OGG1: variants seen among roughly 807,000 people sequenced by gnomAD.
OGG1 encodes the protein 8-oxoguanine DNA glycosylase.
OGG1 carries 35 observed loss-of-function variants against 42.3 expected under a neutral mutation model. That is an observed-to-expected ratio of 0.83 (90% CI 0.63 to 1.10). The LOEUF (loss-of-function observed/expected upper bound fraction) is 1.10. Ranked by LOEUF, OGG1 falls within the 50% of genes least tolerant of loss-of-function variation. The probability of loss-of-function intolerance (pLI) is 0.00; values close to 1 mark genes in which losing one functional copy is unlikely to be tolerated. For synonymous variants in OGG1, 189 were observed against 179.0 expected (o/e 1.06, Z -0.44); for missense variants, 484 against 446.7 (o/e 1.08, Z -0.75).
At chr3:9,757,433 G>A (rs1293206627), downstream of OGG1, 40 of 1,607,798 alleles carry the variant, frequency 2.5e-5, no homozygotes, top group South Asian at 4.3e-4. The surrounding 1 kb of genome is among the most constrained non-coding windows in gnomAD (Gnocchi z 4.5). Flanking sequence ...TAGGGAAGCA[G>A]GTGAGGAGGG....
At chr3:9,786,687 C>T (rs1221833828) in intron 3 of OGG1, among the ~76,000 whole-genome samples, 2 of 152,184 alleles carry the variant, frequency 1.3e-5, no homozygotes, top group East Asian at 3.8e-4. Context: ...GTAAGGCTAC[C>T]TTTGGGGAAA....
At chr3:9,776,944 T>C (rs1303272681) in intron 2 of OGG1, among the ~76,000 whole-genome samples, 1 of 152,180 alleles carries the variant, frequency 6.6e-6, no homozygotes, top group African/African-American at 2.4e-5. Flanking sequence ...CTGGACTTGG[T>C]TCTTTCCATT....
intron 3 of OGG1, chr3:9,783,064 A>G (rs1198465810): frequency 6.6e-6 from 1 of 152,230 alleles, no homozygotes; most frequent in East Asian, 1.9e-4. Flanking sequence ...AACACTGGTC[A>G]ATTTCTTGTG....
At chr3:9,790,425 C>G (rs902398090), downstream of OGG1, among the ~76,000 whole-genome samples, 1 of 152,224 alleles carries the variant, frequency 6.6e-6, no homozygotes, top group Non-Finnish European at 1.5e-5. Flanking sequence ...GTTGGCACCT[C>G]CTTCCTCCAC....
At chr3:9,774,135 C>T (rs2078335630) in intron 2 of OGG1, among the ~76,000 whole-genome samples, 1 of 152,190 alleles carries the variant, frequency 6.6e-6, no homozygotes, top group Middle Eastern at 3.4e-3. Flanking sequence ...TTTGGCTGGG[C>T]GTGGTGACTC....
intron 4 of OGG1, among the ~76,000 whole-genome samples, 154 bp downstream of exon 4, chr3:9,755,039 C>T (rs1575199059): frequency 6.6e-6 from 1 of 152,312 alleles, no homozygotes. Context: ...GAGAAAAAAG[C>T]AGAGTGCAGA....
intron 3 of OGG1, chr3:9,787,296 C>T (rs2078637567): frequency 6.2e-7 from 1 of 1,614,096 alleles, no homozygotes; most frequent in South Asian, 1.1e-5. Flanking sequence ...CCAGCAGGTC[C>T]TCCTGGGCCC....
In OGG1 at chr3:9,756,762, T is replaced by C. The variant is rs2077584090; in HGVS notation, c.899-5T>C. 6.2e-7 allele frequency: 1 copy of C among 1,614,048 alleles called. No homozygotes were observed. On this transcript the variant is annotated splice_region_variant and splice_polypyrimidine_tract_variant and intron_variant, in intron 5 of 6. Coordinates refer to ENST00000344629, the MANE Select transcript of OGG1 (RefSeq NM_002542.6). ...GATAACTTAGTCTCATCACTTCTGA[T>C]TTAGGAAACTTTTTCCGGAGCCTGT...
chr3:9,753,810 G>T (rs2077416716), intron 3 of OGG1, among the ~76,000 whole-genome samples: 2 of 152,224 alleles, frequency 1.3e-5, no homozygotes, highest in Non-Finnish European at 2.9e-5. Context: ...AGTGAATAAA[G>T]CAATCATGAG....
Position 9,757,189 on chromosome 3 carries a change from C to T in OGG1, c.*39C>T, listed in dbSNP as rs753479457. The T allele has an allele frequency of 2.5e-6, 4 of 1,613,870 alleles. No individual in the cohort carries two copies. Among genetic ancestry groups the T allele is most frequent in the South Asian group, 2.2e-5 (2 of 91,048 alleles). ...GACAAAGAAATTCCCCAAGCACCTT[C>T]CCCTCCATTCCCCACTTCTCTCTCC... On this transcript the variant is annotated 3_prime_UTR_variant, in exon 7 of 7. Coordinates refer to ENST00000344629, the MANE Select transcript of OGG1 (RefSeq NM_002542.6). This position sits in a 1 kb window ranked among gnomAD's most constrained non-coding sequence, Gnocchi z 4.5.
At chr3:9,758,046 T>G (rs890750127), downstream of OGG1, 26 of 704,540 alleles carry the variant, frequency 3.7e-5, no homozygotes, top group Admixed American at 1.3e-4. Context: ...ATATGTTAGA[T>G]GTATGTGTAT....
exon 8 of OGG1, chr3:9,765,936 T>C (rs1374238435): frequency 6.2e-7 from 1 of 1,613,936 alleles, no homozygotes; most frequent in Non-Finnish European, 8.5e-7. Context: ...GAACCCCAGC[T>C]TCCCTCCAGC....
chr3:9,756,719 G>A, intron 5 of OGG1, 48 bp from the exon 6 acceptor site: 1 of 1,613,138 alleles, frequency 6.2e-7, no homozygotes. Flanking sequence ...TTCTGTTGAT[G>A]GGTCACAGAA....
intron 2 of OGG1, among the ~76,000 whole-genome samples, chr3:9,774,421 AAAAAAAAC>A (rs1467614549): frequency 6.6e-6 from 1 of 151,294 alleles, no homozygotes; most frequent in Non-Finnish European, 1.5e-5. Flanking sequence ...AAAAAAAAAA[AAAAAAAAC>A]AAAACTTTAA....
intron 2 of OGG1, among the ~76,000 whole-genome samples, chr3:9,776,452 C>T (rs553980650): frequency 3.4e-5 from 5 of 145,002 alleles, no homozygotes; most frequent in South Asian, 4.3e-4. Context: ...TGCAGTGGCG[C>T]GATCTCGGCT....
intron 2 of OGG1, among the ~76,000 whole-genome samples, chr3:9,774,460 C>G (rs1288834256): frequency 6.9e-6 from 1 of 145,114 alleles, no homozygotes; most frequent in Non-Finnish European, 1.5e-5. Context: ...TTTTTTTTAA[C>G]TTTTTTTCAA....
At chr3:9,778,678 C>A (rs565167759) in intron 2 of OGG1, among the ~76,000 whole-genome samples, 1 of 152,176 alleles carries the variant, frequency 6.6e-6, no homozygotes, top group African/African-American at 2.4e-5. Flanking sequence ...GAACTCTCCT[C>A]TCAGCATCCA....
chr3:9,750,420 T>C lies in OGG1; in HGVS notation c.134T>C (p.Phe45Ser), dbSNP rs1239238309. Residue 45 changes from phenylalanine (F) to serine (S), a missense_variant, in exon 1 of 7, where the codon TTC (phenylalanine) becomes TCC (serine). Phe to Ser is a radical substitution (Grantham distance 155, BLOSUM62 -2). Coordinates refer to ENST00000344629, the MANE Select transcript of OGG1 (RefSeq NM_002542.6). ...CTGGTTCTGCCTTCTGGACAATCTT[T>C]CCGGTGAGTGACTGAGCCTGAGAAG... is the stretch of plus-strand genomic sequence containing the variant. ...LDLVLPSGQS[F>S]RWREQSPAHW... 2.5e-6 allele frequency: 4 copies of C among 1,613,858 alleles called. No individual in the cohort carries two copies. In the East Asian group the frequency reaches 8.9e-5, roughly 36 times the overall value.
chr3:9,760,674 C>T (rs777310726), downstream of OGG1: 2 of 1,613,968 alleles, frequency 1.2e-6, no homozygotes, highest in Non-Finnish European at 1.7e-6. Context: ...GAGATGTCGT[C>T]CCAGTAAGGA....
Sources: allele counts gnomAD v4.1 joint callset (sites outside exome capture counted in the v4.1 genomes callset), GRCh38; gene constraint gnomAD v4.1.1; non-coding constraint Gnocchi (gnomAD v3.1); transcripts MANE v1.5; gene names NCBI Gene and HGNC (gene_info 2026-07-23, HGNC 2026-07-21).